YWHAQ: variants seen among roughly 807,000 people sequenced by gnomAD.
YWHAQ encodes tyrosine 3-monooxygenase/tryptophan 5-monooxygenase activation protein theta.
Under a neutral mutation model 28.3 loss-of-function variants are expected in YWHAQ, and 6 were observed. The observed-to-expected ratio is 0.21, with a 90% CI of 0.12 to 0.42. YWHAQ has a LOEUF of 0.42. YWHAQ is among the 10% of genes least tolerant of loss of function. YWHAQ has a pLI of 1.00. For missense variants in YWHAQ, 201 were observed against 305.6 expected (o/e 0.66, Z 2.55); for synonymous variants, 143 against 119.1 (o/e 1.20, Z -1.31).
intron 2 of YWHAQ, among the ~76,000 whole-genome samples, chr2:9,627,231 A>G (rs1667264888): frequency 6.6e-6 from 1 of 152,208 alleles, no homozygotes; most frequent in Non-Finnish European, 1.5e-5. Flanking sequence ...ACTCTATGAA[A>G]GGGAGGAGGC....
At chr2:9,586,428 ACAAAACAAAATCCCC>A (rs758885836) in intron 5 of YWHAQ, among the ~76,000 whole-genome samples, 3 of 152,234 alleles carry the variant, frequency 2.0e-5, no homozygotes, top group Non-Finnish European at 4.4e-5. Context: ...ATAAAAACAA[ACAAAACAAAATCCCC>A]CAAAGACCTG....
intron 2 of YWHAQ, among the ~76,000 whole-genome samples, chr2:9,593,571 A>AG (rs1482630077): frequency 6.6e-6 from 1 of 151,936 alleles, no homozygotes; most frequent in East Asian, 1.9e-4. Context: ...CTACCATCCA[A>AG]GCACTCTGGG....
chr2:9,608,107 AC>A (rs1251139721), intron 2 of YWHAQ, among the ~76,000 whole-genome samples: 1 of 152,100 alleles, frequency 6.6e-6, no homozygotes, highest in East Asian at 1.9e-4. Flanking sequence ...GTGACTCACA[AC>A]CTTAAAATAG....
At chr2:9,601,008 T>G (rs577344409) in intron 2 of YWHAQ, among the ~76,000 whole-genome samples, 2 of 152,356 alleles carry the variant, frequency 1.3e-5, no homozygotes, top group East Asian at 3.9e-4. Context: ...TTATACACTG[T>G]AGGGAACCAA....
intron 2 of YWHAQ, among the ~76,000 whole-genome samples, chr2:9,609,129 G>T (rs1666894518): frequency 6.6e-6 from 1 of 151,938 alleles, no homozygotes; most frequent in Non-Finnish European, 1.5e-5. Context: ...GGATACATAG[G>T]GTTACTACAG....
At chr2:9,600,779 T>C (rs924815715) in intron 2 of YWHAQ, among the ~76,000 whole-genome samples, 1 of 152,058 alleles carries the variant, frequency 6.6e-6, no homozygotes, top group African/African-American at 2.4e-5. Context: ...AACTTCACTG[T>C]TGTCTTATTT....
chr2:9,585,253 T>C lies in YWHAQ; in HGVS notation c.*33A>G. 1 of 1,613,196 alleles carries C rather than the reference T, an allele frequency of 6.2e-7. No homozygotes were observed. The highest frequency in any genetic ancestry group is 8.5e-7 in the Non-Finnish European group (1 of 1,179,540). ...GAATGGAGATGTGTAAAAAGGTTTCTTGAAGGAAAGAAGGATGACACCCTG... is the reference window on the plus strand; with the variant it reads ...GAATGGAGATGTGTAAAAAGGTTTCCTGAAGGAAAGAAGGATGACACCCTG... On this transcript the variant is annotated 3_prime_UTR_variant, in exon 6 of 6. Coordinates refer to ENST00000238081, the MANE Select transcript of YWHAQ (RefSeq NM_006826.4).
Position 9,584,971 on chromosome 2 carries a change from C to A in YWHAQ, c.*315G>T. On this transcript the variant is annotated 3_prime_UTR_variant, in exon 6 of 6. Coordinates refer to ENST00000238081, the MANE Select transcript of YWHAQ (RefSeq NM_006826.4). ...TTCACAGTAATACAAAACACAGTCA[C>A]TTGCAGAACTGGTTCAGATTACTTA... 1 of 280,508 alleles carries A rather than the reference C, an allele frequency of 3.6e-6. No homozygotes were observed. The highest frequency in any genetic ancestry group is 6.7e-6 in the Non-Finnish European group (1 of 148,944). 17.4% of individuals were successfully genotyped at this position (280,508 alleles called of 1,614,324 possible). A position where few individuals can be genotyped will look rare whatever the true frequency, so the allele number is the denominator to read the frequency against.
chr2:9,586,455 C>G (rs1281556389), intron 5 of YWHAQ, among the ~76,000 whole-genome samples: 1 of 152,164 alleles, frequency 6.6e-6, no homozygotes, highest in Non-Finnish European at 1.5e-5. Context: ...AAAGACCTGT[C>G]TCCATAATAG....
At chr2:9,595,232 T>C (rs1374184372) in intron 2 of YWHAQ, among the ~76,000 whole-genome samples, 2 of 152,248 alleles carry the variant, frequency 1.3e-5, no homozygotes, top group Non-Finnish European at 2.9e-5. Context: ...TAATGGAGTC[T>C]GCTTCATGTC....
chr2:9,618,303 T>C (rs181935479), intron 2 of YWHAQ, among the ~76,000 whole-genome samples: 4 of 152,298 alleles, frequency 2.6e-5, no homozygotes, highest in Admixed American at 2.6e-4. Context: ...AGTTTTTACA[T>C]AAGGACAACA....
intron 3 of YWHAQ, among the ~76,000 whole-genome samples, chr2:9,588,663 C>T (rs1302571502): frequency 6.6e-6 from 1 of 152,118 alleles, no homozygotes; most frequent in African/African-American, 2.4e-5. Flanking sequence ...CCCAGCTACT[C>T]AGGAGGCTGA....
intron 2 of YWHAQ, among the ~76,000 whole-genome samples, chr2:9,594,555 C>T (rs1312401944): frequency 1.3e-5 from 2 of 152,078 alleles, no homozygotes; most frequent in African/African-American, 2.4e-5. Context: ...GAAATACCAC[C>T]TCTGCCTGTA....
intron 2 of YWHAQ, among the ~76,000 whole-genome samples, chr2:9,607,236 TG>T (rs1225542435): frequency 6.6e-6 from 1 of 150,540 alleles, no homozygotes; most frequent in Non-Finnish European, 1.5e-5. Context: ...GGTTTTGCTC[TG>T]TTGCCCAGGC....
chr2:9,594,959 A>T (rs367881232), intron 2 of YWHAQ, among the ~76,000 whole-genome samples: 90 of 152,348 alleles, frequency 5.9e-4, no homozygotes, highest in African/African-American at 2.1e-3. Flanking sequence ...ATTACAACAC[A>T]GCCACTTATG....
At chr2:9,587,122 T>C (rs1362602328) in intron 5 of YWHAQ, among the ~76,000 whole-genome samples, 4 of 152,214 alleles carry the variant, frequency 2.6e-5, no homozygotes, top group African/African-American at 9.6e-5. Context: ...CCCAAAATAT[T>C]GAAACTTGAT....
In YWHAQ at chr2:9,630,576, G is replaced by GAGGGAGCGCCGTCAGACAAT; in HGVS notation, c.-82-62_-82-43dup. The stretch of plus-strand genomic sequence containing the variant: ...CGGCGAGGCGAGAACAAAAAGCAGA[G>GAGGGAGCGCCGTCAGACAAT]AGGGAGCGCCGTCAGACAATGCGGC... On this transcript the variant is annotated intron_variant, in intron 1 of 5. Transcript: ENST00000238081. This position sits in a 1 kb window ranked among gnomAD's most constrained non-coding sequence, Gnocchi z 5.6. The GAGGGAGCGCCGTCAGACAAT allele has an allele frequency of 1.0e-6, 1 of 985,744 alleles. No individual in the cohort carries two copies. Among genetic ancestry groups the GAGGGAGCGCCGTCAGACAAT allele is most frequent in the Non-Finnish European group, 1.4e-6 (1 of 695,638 alleles). 61.1% of individuals were successfully genotyped at this position (985,744 alleles called of 1,614,324 possible).
chr2:9,625,515 C>T (rs1262401958), intron 2 of YWHAQ, among the ~76,000 whole-genome samples: 1 of 152,164 alleles, frequency 6.6e-6, no homozygotes, highest in Admixed American at 6.5e-5. Flanking sequence ...CTTAAGTGAG[C>T]TGCCATGTAC....
intron 2 of YWHAQ, among the ~76,000 whole-genome samples, chr2:9,600,980 AT>A (rs1281806953): frequency 6.6e-6 from 1 of 152,266 alleles, no homozygotes; most frequent in African/African-American, 2.4e-5. Context: ...AGACTACAGT[AT>A]AGTGTAAGCA....
Sources: allele counts gnomAD v4.1 joint callset (sites outside exome capture counted in the v4.1 genomes callset), GRCh38; gene constraint gnomAD v4.1.1; non-coding constraint Gnocchi (gnomAD v3.1); transcripts MANE v1.5; gene names NCBI Gene and HGNC (gene_info 2026-07-23, HGNC 2026-07-21).